EXOC6B: variants seen among roughly 807,000 people sequenced by gnomAD.
The protein encoded by EXOC6B is SEC15 homolog B.
Under a neutral mutation model 113.5 loss-of-function variants are expected in EXOC6B, and 54 were observed. That is an observed-to-expected ratio of 0.48 (90% CI 0.38 to 0.60). The LOEUF (loss-of-function observed/expected upper bound fraction) is 0.60. Ranked by LOEUF, EXOC6B falls within the 20% of genes least tolerant of loss-of-function variation. The pLI is 0.00. For synonymous variants in EXOC6B, 357 were observed against 339.0 expected, an observed-to-expected ratio of 1.05 and a Z score of -0.58; for missense variants, 797 against 977.5, an observed-to-expected ratio of 0.82 and a Z score of 2.46.
chr2:72,676,712 T>C (rs1295903588), intron 6 of EXOC6B, among the ~76,000 whole-genome samples: 3 of 152,174 alleles, frequency 2.0e-5, no homozygotes, highest in Non-Finnish European at 2.9e-5. Flanking sequence ...ACGAGTCTAG[T>C]GGTTGAAAGT....
At chr2:72,746,820 G>C (rs953275958) in intron 1 of EXOC6B, among the ~76,000 whole-genome samples, 2 of 151,998 alleles carry the variant, frequency 1.3e-5, no homozygotes, top group Non-Finnish European at 2.9e-5. Context: ...TACTGCATCA[G>C]TCTATCTCTT....
intron 16 of EXOC6B, among the ~76,000 whole-genome samples, chr2:72,483,090 T>G (rs1434669640): frequency 6.6e-6 from 1 of 152,198 alleles, no homozygotes; most frequent in Non-Finnish European, 1.5e-5. Context: ...CAAACAACCT[T>G]TTAACTTTGG....
chr2:72,307,300 C>T (rs1271482816), intron 20 of EXOC6B, among the ~76,000 whole-genome samples: 4 of 152,104 alleles, frequency 2.6e-5, no homozygotes, highest in South Asian at 4.2e-4. Context: ...CTACCACGTC[C>T]GGCTATTTTT....
intron 5 of EXOC6B, chr2:72,721,929 T>TA (rs1464500166): frequency 6.7e-6 from 1 of 149,112 alleles, no homozygotes; most frequent in African/African-American, 2.5e-5. Flanking sequence ...AGCAGGGAGA[T>TA]AAAATGGGAA....
At chr2:72,453,911 G>C (rs1007069662) in intron 18 of EXOC6B, among the ~76,000 whole-genome samples, 3 of 152,176 alleles carry the variant, frequency 2.0e-5, no homozygotes, top group African/African-American at 7.2e-5. Flanking sequence ...TGGCTGGTCA[G>C]GCCTCAGGAA....
At chr2:72,643,983 G>A (rs987087153) in intron 6 of EXOC6B, among the ~76,000 whole-genome samples, 18 of 151,864 alleles carry the variant, frequency 1.2e-4, no homozygotes, top group African/African-American at 1.7e-4. Context: ...TCAGAAGGTC[G>A]GTAATAACAA....
intron 6 of EXOC6B, among the ~76,000 whole-genome samples, chr2:72,655,809 C>T (rs1674537513): frequency 6.6e-6 from 1 of 152,022 alleles, no homozygotes; most frequent in Non-Finnish European, 1.5e-5. Flanking sequence ...AGTTAACCAT[C>T]CCTGAGATAT....
At chr2:72,718,043 C>T in intron 6 of EXOC6B, 60 bp downstream of exon 6, 1 of 1,272,604 alleles carries the variant, frequency 7.9e-7, no homozygotes, top group Non-Finnish European at 1.1e-6. Context: ...AAAGAGAAAC[C>T]TGTGTTTAAC....
intron 6 of EXOC6B, among the ~76,000 whole-genome samples, chr2:72,642,799 A>G (rs1430706106): frequency 2.0e-5 from 3 of 151,962 alleles, no homozygotes; most frequent in Non-Finnish European, 2.9e-5. Flanking sequence ...CTGCACAGCA[A>G]AAGAAACTAA....
intron 1 of EXOC6B, among the ~76,000 whole-genome samples, chr2:72,823,473 AAAAAAC>A (rs1191575683): frequency 5.9e-4 from 69 of 117,652 alleles, no homozygotes; most frequent in East Asian, 1.1e-3. Flanking sequence ...AAAAAAAAAA[AAAAAAC>A]AAAAAACAAA....
intron 1 of EXOC6B, among the ~76,000 whole-genome samples, chr2:72,758,530 G>A (rs1307413549): frequency 6.6e-6 from 1 of 152,076 alleles, no homozygotes; most frequent in Non-Finnish European, 1.5e-5. Context: ...TCACATCATA[G>A]GTGCCATGTT....
intron 8 of EXOC6B, among the ~76,000 whole-genome samples, chr2:72,551,328 G>A (rs1353578072): frequency 6.6e-6 from 1 of 151,138 alleles, no homozygotes; most frequent in Non-Finnish European, 1.5e-5. Flanking sequence ...CTCCCAAGTA[G>A]TTGGGATTAC....
intron 20 of EXOC6B, among the ~76,000 whole-genome samples, chr2:72,189,648 T>C (rs1279063033): frequency 1.3e-5 from 2 of 152,170 alleles, no homozygotes; most frequent in African/African-American, 2.4e-5. Context: ...CTCATTCTAC[T>C]GTAAGCAAGT....
chr2:72,432,641 C>T (rs1022753412), intron 18 of EXOC6B, among the ~76,000 whole-genome samples: 1 of 152,142 alleles, frequency 6.6e-6, no homozygotes, highest in African/African-American at 2.4e-5. Flanking sequence ...GATAGTATCT[C>T]ATTGTGGTTT....
intron 20 of EXOC6B, among the ~76,000 whole-genome samples, chr2:72,287,975 T>C (rs1011803548): frequency 6.6e-6 from 1 of 152,126 alleles, no homozygotes. Context: ...TTCTAAAACC[T>C]GAAAAGGCTA....
intron 1 of EXOC6B, among the ~76,000 whole-genome samples, chr2:72,807,999 G>T (rs764095975): frequency 1.1e-4 from 16 of 152,090 alleles, no homozygotes; most frequent in Non-Finnish European, 1.9e-4. Context: ...TTGAGGGGAT[G>T]GATACCCCAT....
At chr2:72,362,494 T>C (rs1305165137) in intron 19 of EXOC6B, among the ~76,000 whole-genome samples, 1 of 152,136 alleles carries the variant, frequency 6.6e-6, no homozygotes, top group East Asian at 1.9e-4. Flanking sequence ...AACATTTCCA[T>C]GGCTGTTTCA....
At chr2:72,498,688 T>C (rs1251986423) in intron 12 of EXOC6B, 137 bp from the exon 13 acceptor site, 1 of 588,494 alleles carries the variant, frequency 1.7e-6, no homozygotes, top group Non-Finnish European at 3.0e-6. Context: ...AATAAAACCA[T>C]TTAGTAGAAT....
intron 6 of EXOC6B, among the ~76,000 whole-genome samples, chr2:72,707,517 G>A (rs976321236): frequency 2.0e-5 from 3 of 151,358 alleles, no homozygotes; most frequent in Non-Finnish European, 2.9e-5. Flanking sequence ...AGGTTCAAGC[G>A]ATTCTCCTGC....
Sources: allele counts gnomAD v4.1 joint callset (sites outside exome capture counted in the v4.1 genomes callset), GRCh38; gene constraint gnomAD v4.1.1; transcripts MANE v1.5; gene names NCBI Gene and HGNC (gene_info 2026-07-23, HGNC 2026-07-21).